Variants in HIRA observed in about 807,000 individuals in gnomAD.
HIRA encodes protein HIRA.
A neutral mutation model predicts 126.6 loss-of-function variants in HIRA; 13 were observed. The ratio of observed to expected loss-of-function variants is 0.10; its 90% CI spans 0.07 to 0.16. HIRA has a LOEUF of 0.16. Among genes scored for constraint, HIRA ranks in the 10% least tolerant of loss-of-function variants. HIRA has a pLI of 1.00. For missense variants in HIRA, 834 were observed against 1,314.4 expected (o/e 0.63, Z 5.65); for synonymous variants, 511 against 520.0 (o/e 0.98, Z 0.24).
Position 19,361,812 on chromosome 22 carries a change from T to C in HIRA, c.1895A>G (p.Glu632Gly). 1 of 1,614,120 alleles carries C rather than the reference T, an allele frequency of 6.2e-7. No individual in the cohort carries two copies. The highest frequency in any genetic ancestry group is 8.5e-7 in the Non-Finnish European group (1 of 1,180,034). The change falls in exon 16 of 25, where the codon GAG (glutamate) becomes GGG (glycine). Residue 632 changes from glutamate to glycine, a missense_variant. Glu to Gly is a moderately conservative substitution (Grantham distance 98). Transcript: ENST00000263208. ...KASSLSKRKL[E>G]LEVETVEKKK... Reference sequence around the variant, plus strand: ...CTTCTCTACTGTCTCTACCTCAAGCTCAAGTTTTCGCTTGGACAGTGAGGA... The same window carrying C: ...CTTCTCTACTGTCTCTACCTCAAGCCCAAGTTTTCGCTTGGACAGTGAGGA...
chr22:19,341,109 A>G (rs931498236), intron 24 of HIRA, among the ~76,000 whole-genome samples: 42 of 152,162 alleles, frequency 2.8e-4, no homozygotes, highest in African/African-American at 1.0e-3. Flanking sequence ...TGAGCCCAGG[A>G]GTTCGAAACC....
At position 19,381,239 on chromosome 22, in the gene HIRA, G is replaced by A. The variant is rs370601140; in HGVS notation, c.1415+2381C>T. On this transcript the variant is annotated intron_variant, in intron 13 of 24. Transcript: ENST00000263208. ...CTTCATGTTGATTGTATCCTGCCAT[G>A]TGACTATCTTCTTTCATTGCCTATG... 1.6e-4 allele frequency among the ~76,000 whole-genome samples: 24 copies of A among 152,300 alleles called. No homozygotes were observed. The East Asian group carries it at 1.9e-3, about 12-fold the overall frequency.
intron 20 of HIRA, 83 bp downstream of exon 20, chr22:19,356,147 G>A: frequency 1.5e-6 from 2 of 1,309,360 alleles, no homozygotes; most frequent in East Asian, 2.3e-5. Flanking sequence ...CCAGAGCCTG[G>A]CTCTCTGAGC....
At position 19,422,849 on chromosome 22, in the gene HIRA, A is replaced by T. The variant is rs567487416; in HGVS notation, c.37+8591T>A. Among the ~76,000 whole-genome samples, 8 of 152,292 alleles carry T rather than the reference A, an allele frequency of 5.3e-5. No homozygotes were observed. In the East Asian group the frequency reaches 1.5e-3, roughly 29 times the overall value. ...CCAGGTCAGACCTGCCCTCAGTGGA[A>T]GCACTCTTTTGGCAGGGTCAGGTCT... On this transcript the variant is annotated intron_variant, in intron 1 of 24. Coordinates refer to ENST00000263208, the MANE Select transcript of HIRA (RefSeq NM_003325.4).
At chr22:19,355,679 G>A in intron 21 of HIRA, 81 bp downstream of exon 21, 1 of 1,012,334 alleles carries the variant, frequency 9.9e-7, no homozygotes, top group Non-Finnish European at 1.5e-6. Flanking sequence ...AGGCAGCCCT[G>A]TAGGCCACGA....
At chr22:19,381,040 G>A (rs1174947488) in intron 13 of HIRA, among the ~76,000 whole-genome samples, 1 of 152,196 alleles carries the variant, frequency 6.6e-6, no homozygotes, top group Non-Finnish European at 1.5e-5. Flanking sequence ...TGCCATCCTA[G>A]CTAATCAATG....
chr22:19,397,185 T>C (rs2089230888), intron 6 of HIRA, among the ~76,000 whole-genome samples: 1 of 152,180 alleles, frequency 6.6e-6, no homozygotes, highest in South Asian at 2.1e-4. Flanking sequence ...CCAGGTCTTA[T>C]CTGTATCTAG....
chr22:19,372,340 T>C (rs2088974069), intron 15 of HIRA, among the ~76,000 whole-genome samples: 1 of 152,234 alleles, frequency 6.6e-6, no homozygotes, highest in Admixed American at 6.5e-5. Context: ...TGGCTAATGA[T>C]GTTGATTGAA....
chr22:19,414,784 A>G (rs5993632), intron 1 of HIRA, among the ~76,000 whole-genome samples: 23,218 of 152,094 alleles, frequency 0.15, 3,896 homozygotes, highest in African/African-American at 0.42. Flanking sequence ...CACTTTGGGA[A>G]GCCAAGGCAG....
rs2089499337 is a variant in HIRA at position 19,427,699 on chromosome 22, G to C, written c.37+3741C>G. ...GAGCTCTTTCAGTCCTGGCCCTCTT[G>C]GTTAGAACTGGCTTCACCAAAGAGC... On this transcript the variant is annotated intron_variant, in intron 1 of 24. Transcript: ENST00000263208. Among the ~76,000 whole-genome samples, 3 of 152,194 alleles carry C rather than the reference G, an allele frequency of 2.0e-5. No individual in the cohort carries two copies. The South Asian group carries it at 6.2e-4, about 31-fold the overall frequency.
intron 17 of HIRA, among the ~76,000 whole-genome samples, chr22:19,360,882 C>T (rs2088857031): frequency 6.6e-6 from 1 of 152,230 alleles, no homozygotes; most frequent in Non-Finnish European, 1.5e-5. Context: ...CACATTCCCA[C>T]AGACACCAAG....
intron 24 of HIRA, among the ~76,000 whole-genome samples, chr22:19,347,008 G>A (rs782003681): frequency 6.6e-6 from 1 of 152,178 alleles, no homozygotes; most frequent in Non-Finnish European, 1.5e-5. Flanking sequence ...GGCCCAGAGT[G>A]CTTACTTTCA....
chr22:19,355,732 G>C (rs1456794178), intron 21 of HIRA, 28 bp downstream of exon 21: 1 of 1,500,274 alleles, frequency 6.7e-7, no homozygotes. Flanking sequence ...CTCTTCCAGG[G>C]AATAGGACTG....
At position 19,387,977 on chromosome 22, in the gene HIRA, G is replaced by C. The variant is rs3747062; in HGVS notation, c.1008-161C>G. ...GTTCCCTTCTTTGGCCTGGGCGGGG[G>C]GGGGAGGGGGCGACAATTGTATCCC... On this transcript the variant is annotated intron_variant, in intron 10 of 24. Transcript: ENST00000263208. Among the ~76,000 whole-genome samples the C allele has an allele frequency of 9.1e-3, 1,375 of 151,250 alleles. 25 individuals carry two copies. Among genetic ancestry groups the C allele is most frequent in the African/African-American group, 0.03 (1,238 of 41,186 alleles).
intron 15 of HIRA, among the ~76,000 whole-genome samples, chr22:19,371,504 C>T (rs1180382640): frequency 6.6e-6 from 1 of 152,096 alleles, no homozygotes; most frequent in African/African-American, 2.4e-5. Flanking sequence ...AACTTCGCCA[C>T]TTTAAAGTAT....
At chr22:19,398,351 G>A (rs1397282275) in intron 5 of HIRA, among the ~76,000 whole-genome samples, 15 of 152,232 alleles carry the variant, frequency 9.9e-5, no homozygotes, top group Admixed American at 9.2e-4. Context: ...ACCCATGCAT[G>A]AGAGCCTGCT....
intron 11 of HIRA, among the ~76,000 whole-genome samples, chr22:19,387,199 C>G (rs2089135029): frequency 6.6e-6 from 1 of 152,254 alleles, no homozygotes; most frequent in Admixed American, 6.5e-5. Flanking sequence ...GGGTCACATA[C>G]AGTCTGGGCA....
At chr22:19,427,351 C>G (rs903125915) in intron 1 of HIRA, among the ~76,000 whole-genome samples, 1 of 152,258 alleles carries the variant, frequency 6.6e-6, no homozygotes, top group African/African-American at 2.4e-5. Flanking sequence ...CCTGCCAATT[C>G]TCAGACATAG....
intron 20 of HIRA, 82 bp downstream of exon 20, chr22:19,356,148 C>G: frequency 2.3e-6 from 3 of 1,322,548 alleles, no homozygotes; most frequent in Admixed American, 3.4e-5. Flanking sequence ...CAGAGCCTGG[C>G]TCTCTGAGCG....
Sources: gnomAD v4.1 joint callset for allele counts (sites outside exome capture counted in the v4.1 genomes callset) on GRCh38, gnomAD v4.1.1 for gene constraint, MANE v1.5 for transcripts, NCBI Gene and HGNC (gene_info 2026-07-23, HGNC 2026-07-21) for gene names.